PRSS37: variants seen among roughly 807,000 people sequenced by gnomAD.
The protein encoded by PRSS37 is serine protease 37, also known as probable inactive serine protease 37.
In PRSS37, 25 loss-of-function variants were observed where a neutral mutation model predicts 28.0. That is an observed-to-expected ratio of 0.89 (90% CI 0.65 to 1.25). The LOEUF (loss-of-function observed/expected upper bound fraction) is 1.25. PRSS37 is among the 50% of genes most tolerant of loss of function. The pLI is 0.00. For missense variants in PRSS37, 282 were observed against 292.2 expected, an observed-to-expected ratio of 0.97 and a Z score of 0.25; for synonymous variants, 109 against 107.8, an observed-to-expected ratio of 1.01 and a Z score of -0.07.
At chr7:141,840,902 G>T in intron 1 of PRSS37, 114 bp downstream of exon 1, 3 of 1,040,748 alleles carry the variant, frequency 2.9e-6, no homozygotes, top group Non-Finnish European at 2.9e-6. Context: ...TCCTAATTCT[G>T]CTGATGACAC....
At position 141,837,807 on chromosome 7, in the gene PRSS37, T is replaced by C; in HGVS notation, c.430+53A>G. On this transcript the variant is annotated intron_variant, in intron 3 of 4. Coordinates refer to ENST00000350549, the MANE Select transcript of PRSS37 (RefSeq NM_001008270.3). ...CCTCACAGCTATGAGGATATGGATG[T>C]TCCTCCTAAAGGACAACTGATGACC... 5.1e-6 allele frequency: 8 copies of C among 1,580,858 alleles called. No homozygotes were observed. In the South Asian group the frequency reaches 8.3e-5, roughly 16 times the overall value.
At chr7:141,839,562 A>G (rs936326929) in intron 1 of PRSS37, 83 bp from the exon 2 acceptor site, 73 of 1,115,588 alleles carry the variant, frequency 6.5e-5, no homozygotes, top group Non-Finnish European at 9.1e-5. Flanking sequence ...AATCTGGATG[A>G]TTCTTAAACA....
chr7:141,840,314 C>A (rs7785936), intron 1 of PRSS37, among the ~76,000 whole-genome samples: 23,228 of 151,904 alleles, frequency 0.15, 1,887 homozygotes, highest in East Asian at 0.24. Context: ...GAAATAAAGC[C>A]CTCTTCTTGT....
At chr7:141,840,443 A>G (rs1801116570) in intron 1 of PRSS37, among the ~76,000 whole-genome samples, 1 of 152,220 alleles carries the variant, frequency 6.6e-6, no homozygotes, top group Admixed American at 6.5e-5. Context: ...ACTGTAAACA[A>G]GGGCAAGAGA....
chr7:141,838,024 C>T lies in PRSS37; in HGVS notation c.266G>A (p.Trp89Ter). The T allele has an allele frequency of 6.2e-7, 1 of 1,614,048 alleles. No individual in the cohort carries two copies. Among genetic ancestry groups the T allele is most frequent in the East Asian group, 2.2e-5 (1 of 44,892 alleles). Reference protein sequence around the residue: ...TINPIQIVRYWNYSHSAPQDD... With the variant: ...TINPIQIVRY ...CTGTGGGGCGCTATGACTGTAGTTC[C>T]AGTAGCGGACGATCTGAATGGGGTT... The change falls in exon 3 of 5, where the codon TGG (tryptophan) becomes TAG (stop). Residue 89 changes from tryptophan to a stop codon, truncating the protein, a stop_gained. Transcript: ENST00000350549. LOFTEE classifies it high-confidence loss of function.
chr7:141,837,832 C>A lies in PRSS37; in HGVS notation c.430+28G>T, dbSNP rs532567993. 205 of 1,594,918 alleles carry A rather than the reference C, an allele frequency of 1.3e-4. 4 individuals are homozygous for A. In the South Asian group the frequency reaches 2.1e-3, roughly 16 times the overall value. Reference sequence around the variant, plus strand: ...TTCCTCCTAAAGGACAACTGATGACCCTGATTTGCTGTGGAAGGCACACTT... The same window carrying A: ...TTCCTCCTAAAGGACAACTGATGACACTGATTTGCTGTGGAAGGCACACTT... On this transcript the variant is annotated intron_variant, in intron 3 of 4. Transcript: ENST00000350549.
chr7:141,837,841 C>G lies in PRSS37; in HGVS notation c.430+19G>C. ...AAGGACAACTGATGACCCTGATTTG[C>G]TGTGGAAGGCACACTTACCACTGTT... On this transcript the variant is annotated intron_variant, in intron 3 of 4. Transcript: ENST00000350549. 6.3e-7 allele frequency: 1 copy of G among 1,599,522 alleles called. No individual in the cohort carries two copies. Among genetic ancestry groups the G allele is most frequent in the Non-Finnish European group, 8.5e-7 (1 of 1,171,118 alleles).
intron 4 of PRSS37, 45 bp from the exon 5 acceptor site, chr7:141,836,580 T>G: frequency 6.3e-7 from 1 of 1,594,392 alleles, no homozygotes; most frequent in Non-Finnish European, 8.6e-7. Context: ...AGAGTAAGAG[T>G]GTCAGATCTT....
In PRSS37 at chr7:141,838,058, G is replaced by A; in HGVS notation, c.232C>T (p.Gln78Ter). The A allele has an allele frequency of 6.2e-7, 1 of 1,614,118 alleles. No homozygotes were observed. The highest frequency in any genetic ancestry group is 8.5e-7 in the Non-Finnish European group (1 of 1,180,034). The change falls in exon 3 of 5, where the codon CAG (glutamine) becomes TAG (stop). Residue 78 changes from glutamine to a stop codon, truncating the protein, a stop_gained. Transcript: ENST00000350549. LOFTEE classifies it high-confidence loss of function. ...FKSRVRDGTE[Q>*]TINPIQIVRY... ...ACGATCTGAATGGGGTTAATTGTCT[G>A]TTCAGTACCGTCTCTGACTCTGCTC...
chr7:141,838,831 G>GT, intron 2 of PRSS37: 3 of 365,034 alleles, frequency 8.2e-6, no homozygotes, highest in South Asian at 6.4e-5. Flanking sequence ...CCTAGAGGTG[G>GT]TAACTGCATT....
intron 1 of PRSS37, among the ~76,000 whole-genome samples, chr7:141,840,460 GCTCT>G (rs1167179746): frequency 6.6e-6 from 1 of 152,158 alleles, no homozygotes; most frequent in Non-Finnish European, 1.5e-5. Flanking sequence ...GAGACATTGA[GCTCT>G]CTATAGCAGG....
rs201625816 is a variant in PRSS37 at position 141,839,337 on chromosome 7, C to T, written c.176+1G>A. 1.1e-4 allele frequency: 174 copies of T among 1,613,260 alleles called. No homozygotes were observed. Among genetic ancestry groups the T allele is most frequent in the Admixed American group, 3.5e-4 (21 of 59,844 alleles). Reference sequence around the variant, plus strand: ...GGGATGGGGATGCCCAAATACTCAACGGTAAATAGCAGTGAGCTGGGGCCA... The same window carrying T: ...GGGATGGGGATGCCCAAATACTCAATGGTAAATAGCAGTGAGCTGGGGCCA... On this transcript the variant is annotated splice_donor_variant, in intron 2 of 4. Transcript: ENST00000350549. LOFTEE classifies it high-confidence loss of function.
intron 2 of PRSS37, chr7:141,838,590 C>G: frequency 2.5e-6 from 1 of 395,970 alleles, no homozygotes; most frequent in South Asian, 5.2e-5. Context: ...CTCTTGTCCT[C>G]TGGCTTCCTT....
chr7:141,836,577 G>C, intron 4 of PRSS37, 42 bp from the exon 5 acceptor site: 2 of 1,596,248 alleles, frequency 1.3e-6, no homozygotes, highest in Non-Finnish European at 1.7e-6. Context: ...GAGAGAGTAA[G>C]AGTGTCAGAT....
rs778649362 is a variant in PRSS37 at position 141,838,126 on chromosome 7, G to T, written c.177-13C>A. ...CACTTTCAGATTTCTGGAGGGAGAG[G>T]GGTTGGAAGTAATCATCATCATCAT... is the stretch of plus-strand genomic sequence containing the variant. On this transcript the variant is annotated splice_polypyrimidine_tract_variant and intron_variant, in intron 2 of 4. Coordinates refer to ENST00000350549, the MANE Select transcript of PRSS37 (RefSeq NM_001008270.3). The T allele has an allele frequency of 1.2e-6, 2 of 1,609,258 alleles. No homozygotes were observed. The highest frequency in any genetic ancestry group is 1.7e-6 in the Non-Finnish European group (2 of 1,177,964).
At chr7:141,839,281 C>A (rs777206909) in intron 2 of PRSS37, 57 bp downstream of exon 2, 47 of 1,555,758 alleles carry the variant, frequency 3.0e-5, no homozygotes, top group Admixed American at 1.4e-4. Flanking sequence ...ATATGAGAAC[C>A]ACTGATCTAG....
chr7:141,840,869 G>C, intron 1 of PRSS37, 147 bp downstream of exon 1: 1 of 761,932 alleles, frequency 1.3e-6, no homozygotes, highest in Non-Finnish European at 2.2e-6. Flanking sequence ...GAGAGCCTTT[G>C]GATGGAGTCT....
At chr7:141,838,517 A>C (rs1223548828) in intron 2 of PRSS37, 1 of 1,010,556 alleles carries the variant, frequency 9.9e-7, no homozygotes, top group Non-Finnish European at 1.2e-6. Flanking sequence ...ATGCACTAAC[A>C]GTCCTATTCC....
At chr7:141,838,666 C>T (rs560857477) in intron 2 of PRSS37, 1 of 243,682 alleles carries the variant, frequency 4.1e-6, no homozygotes, top group Non-Finnish European at 8.0e-6. Flanking sequence ...AGTACTTATC[C>T]TCCCAGGTCC....
Sources: allele counts gnomAD v4.1 joint callset (sites outside exome capture counted in the v4.1 genomes callset), GRCh38; gene constraint gnomAD v4.1.1; transcripts MANE v1.5; gene names NCBI Gene and HGNC (gene_info 2026-07-23, HGNC 2026-07-21).